The following GSTCD variants were observed in gnomAD, a reference collection of about 807,000 sequenced individuals.
GSTCD encodes the protein glutathione S-transferase C-terminal domain containing, also known as glutathione S-transferase C-terminal domain-containing protein.
A neutral mutation model predicts 68.3 loss-of-function variants in GSTCD; 44 were observed. The ratio of observed to expected loss-of-function variants is 0.64; its 90% CI spans 0.51 to 0.83. The LOEUF (loss-of-function observed/expected upper bound fraction) is 0.83, where lower values mean the gene tolerates loss of function less well. Among genes scored for constraint, GSTCD ranks in the 40% least tolerant of loss-of-function variants. The pLI, the probability that GSTCD is intolerant of heterozygous loss-of-function variation, is 0.00. For synonymous variants in GSTCD, 273 were observed against 255.2 expected, an observed-to-expected ratio of 1.07 and a Z score of -0.67; for missense variants, 739 against 735.9, an observed-to-expected ratio of 1.00 and a Z score of -0.05.
At chr4:105,762,335 G>T (rs144356039) in intron 5 of GSTCD, among the ~76,000 whole-genome samples, 1 of 152,176 alleles carries the variant, frequency 6.6e-6, no homozygotes, top group African/African-American at 2.4e-5. Context: ...GATATTCTTA[G>T]CATTTAATTA....
At chr4:105,732,040 A>T (rs1439890827) in intron 5 of GSTCD, among the ~76,000 whole-genome samples, 1 of 152,234 alleles carries the variant, frequency 6.6e-6, no homozygotes, top group East Asian at 1.9e-4. Context: ...CCAGGGATTA[A>T]GCCTACTTGA....
chr4:105,772,001 G>A (rs1018596907), intron 5 of GSTCD, among the ~76,000 whole-genome samples: 8 of 152,164 alleles, frequency 5.3e-5, no homozygotes, highest in African/African-American at 1.9e-4. Context: ...TCCTATCCAT[G>A]AGCATGGAAT....
chr4:105,740,764 C>T (rs1393224800), intron 5 of GSTCD, among the ~76,000 whole-genome samples: 1 of 152,052 alleles, frequency 6.6e-6, no homozygotes, highest in Non-Finnish European at 1.5e-5. Flanking sequence ...TTTGTTCCAA[C>T]TCTCCAACAT....
intron 5 of GSTCD, among the ~76,000 whole-genome samples, chr4:105,817,743 G>C (rs530770157): frequency 6.0e-4 from 91 of 151,926 alleles, no homozygotes; most frequent in African/African-American, 2.1e-3. Context: ...TAGGAATTCT[G>C]TTCTTCCATT....
At chr4:105,791,846 G>A (rs971641069) in intron 5 of GSTCD, among the ~76,000 whole-genome samples, 1 of 152,088 alleles carries the variant, frequency 6.6e-6, no homozygotes, top group Non-Finnish European at 1.5e-5. Flanking sequence ...CTTTTAGCAT[G>A]TTGGTAATTT....
At chr4:105,789,183 A>T (rs1482583269) in intron 5 of GSTCD, among the ~76,000 whole-genome samples, 1 of 152,164 alleles carries the variant, frequency 6.6e-6, no homozygotes, top group African/African-American at 2.4e-5. Context: ...TTAGAAAGGG[A>T]CTCAAAAGCT....
intron 5 of GSTCD, among the ~76,000 whole-genome samples, chr4:105,739,557 A>G (rs757317484): frequency 6.6e-6 from 1 of 152,154 alleles, no homozygotes; most frequent in Non-Finnish European, 1.5e-5. Context: ...GTCTATTTCT[A>G]GGAGGTAGGA....
chr4:105,823,255 C>A lies in GSTCD; in HGVS notation c.1381C>A (p.His461Asn), dbSNP rs1391974878. The stretch of plus-strand genomic sequence containing the variant: ...GGGCCATGTTGGAATTGTCCTTGCT[C>A]ACATGCTGCCATCATGTCAGGTAAA... The part of the protein sequence containing the change: ...GGGHVGIVLA[H>N]MLPSCQVTLI... Residue 461 changes from histidine to asparagine, a missense_variant, in exon 7 of 12, where the codon CAC becomes AAC. Transcript: ENST00000515279. The A allele has an allele frequency of 1.2e-6, 2 of 1,613,698 alleles. No homozygotes were observed. Among genetic ancestry groups the A allele is most frequent in the Non-Finnish European group, 8.5e-7 (1 of 1,179,686 alleles).
At chr4:105,837,947 C>T (rs1451698259) in intron 10 of GSTCD, 58 bp downstream of exon 10, 5 of 670,982 alleles carry the variant, frequency 7.5e-6, no homozygotes, top group Non-Finnish European at 1.2e-5. Flanking sequence ...TTATATTTTT[C>T]CCTCTCATAT....
intron 5 of GSTCD, among the ~76,000 whole-genome samples, chr4:105,752,252 G>A (rs929662583): frequency 1.3e-5 from 2 of 151,948 alleles, no homozygotes; most frequent in African/African-American, 4.8e-5. Context: ...AAAAGAGAAA[G>A]GTTAAAAGTC....
At chr4:105,782,367 C>T (rs1048812975) in intron 5 of GSTCD, among the ~76,000 whole-genome samples, 9 of 152,058 alleles carry the variant, frequency 5.9e-5, no homozygotes, top group East Asian at 5.8e-4. Context: ...GCATGGTGTG[C>T]GCACCTCCCA....
intron 5 of GSTCD, among the ~76,000 whole-genome samples, chr4:105,798,849 C>T (rs1268810002): frequency 6.6e-6 from 1 of 152,096 alleles, no homozygotes; most frequent in Non-Finnish European, 1.5e-5. Flanking sequence ...TGTATGAGTC[C>T]CTAACAAGAG....
intron 5 of GSTCD, among the ~76,000 whole-genome samples, chr4:105,755,119 G>A (rs1200580322): frequency 1.0e-4 from 15 of 146,236 alleles, no homozygotes; most frequent in African/African-American, 3.4e-4. Flanking sequence ...GTGGTATTGC[G>A]CACCTGTAGT....
At chr4:105,730,245 T>C (rs1353560323) in intron 5 of GSTCD, among the ~76,000 whole-genome samples, 1 of 152,240 alleles carries the variant, frequency 6.6e-6, no homozygotes, top group Non-Finnish European at 1.5e-5. Flanking sequence ...TATAATCCTT[T>C]GGGTATATAC....
chr4:105,734,195 G>A (rs951537457), intron 5 of GSTCD, among the ~76,000 whole-genome samples: 16 of 152,242 alleles, frequency 1.1e-4, no homozygotes, highest in African/African-American at 3.9e-4. Flanking sequence ...GAACATCTTT[G>A]TGGCATTCTC....
chr4:105,830,037 C>T (rs1442872573), intron 8 of GSTCD, among the ~76,000 whole-genome samples: 2 of 151,842 alleles, frequency 1.3e-5, no homozygotes, highest in Non-Finnish European at 2.9e-5. Flanking sequence ...GTCCAGGAAT[C>T]AAATACCTCA....
At chr4:105,812,170 G>T (rs890094592) in intron 5 of GSTCD, among the ~76,000 whole-genome samples, 1 of 152,102 alleles carries the variant, frequency 6.6e-6, no homozygotes. Flanking sequence ...GAGTTTTTCT[G>T]TGGTAAATTT....
intron 8 of GSTCD, among the ~76,000 whole-genome samples, chr4:105,830,489 G>T (rs1310783373): frequency 6.6e-6 from 1 of 152,002 alleles, no homozygotes; most frequent in Non-Finnish European, 1.5e-5. Context: ...CAAGCTACTA[G>T]ATAATGTGCT....
chr4:105,840,165 A>T (rs182895234), intron 10 of GSTCD: 2 of 451,658 alleles, frequency 4.4e-6, no homozygotes, highest in Admixed American at 4.8e-5. Flanking sequence ...GGTGAGACTT[A>T]TCAGTACAAG....
Sources: gnomAD v4.1 joint callset for allele counts (sites outside exome capture counted in the v4.1 genomes callset) on GRCh38, gnomAD v4.1.1 for gene constraint, MANE v1.5 for transcripts, NCBI Gene and HGNC (gene_info 2026-07-23, HGNC 2026-07-21) for gene names.